The following HYCC2 variants were observed in gnomAD, a reference collection of about 807,000 sequenced individuals.
HYCC2 encodes hyccin 2.
the HYCC2 span, among the ~76,000 whole-genome samples, chr2:201,070,095 A>G: frequency 3.3e-5 from 5 of 152,220 alleles, no homozygotes; most frequent in South Asian, 1.0e-3. Flanking sequence ...CTGCTCTCAA[A>G]ATTGTTTTTC....
chr2:201,032,178 T>A, the HYCC2 span, among the ~76,000 whole-genome samples: 2 of 152,086 alleles, frequency 1.3e-5, no homozygotes, highest in East Asian at 3.8e-4. Flanking sequence ...CCCAAGCTGG[T>A]CTCGAACTCC....
At chr2:201,012,952 T>TACACACACACACAC in the HYCC2 span, among the ~76,000 whole-genome samples, 2 of 146,316 alleles carry the variant, frequency 1.4e-5, no homozygotes, top group South Asian at 2.2e-4. Context: ...TTTCAAAAAA[T>TACACACACACACAC]ACACACACAC....
chr2:201,009,238 A>C, the HYCC2 span: 1 of 469,362 alleles, frequency 2.1e-6, no homozygotes, highest in Non-Finnish European at 3.9e-6. Context: ...AGAATCTTTC[A>C]ACTGTCAATT....
chr2:201,063,682 T>C, the HYCC2 span: 1 of 1,576,458 alleles, frequency 6.3e-7, no homozygotes, highest in African/African-American at 1.3e-5. Context: ...GTCGAAGTGG[T>C]TCTGGAAACT....
chr2:201,041,800 T>C, the HYCC2 span, among the ~76,000 whole-genome samples: 6 of 152,238 alleles, frequency 3.9e-5, no homozygotes. Context: ...ATATAGTCAA[T>C]GAACCATACT....
chr2:200,998,251 T>C, the HYCC2 span, among the ~76,000 whole-genome samples: 1 of 152,220 alleles, frequency 6.6e-6, no homozygotes, highest in South Asian at 2.1e-4. Context: ...ACTTTATCAA[T>C]CTTCTTACCA....
chr2:201,004,123 G>A, the HYCC2 span, among the ~76,000 whole-genome samples: 2 of 152,120 alleles, frequency 1.3e-5, no homozygotes, highest in South Asian at 2.1e-4. Context: ...GCCTGTTTGG[G>A]TTTTTATCAG....
chr2:201,009,411 A>G, the HYCC2 span: 1 of 201,628 alleles, frequency 5.0e-6, no homozygotes, highest in African/African-American at 2.3e-5. Flanking sequence ...TTCCAGAATG[A>G]GTACAACTGC....
At chr2:201,044,532 T>C in the HYCC2 span, among the ~76,000 whole-genome samples, 20 of 152,212 alleles carry the variant, frequency 1.3e-4, no homozygotes, top group Non-Finnish European at 1.0e-4. Context: ...TACAATAATA[T>C]GTGTCCTTGG....
chr2:201,012,106 T>C, the HYCC2 span, among the ~76,000 whole-genome samples: 115 of 152,080 alleles, frequency 7.6e-4, no homozygotes, highest in Non-Finnish European at 1.6e-3. Context: ...GAATGAATCT[T>C]GAATAAAAGA....
the HYCC2 span, among the ~76,000 whole-genome samples, chr2:201,011,053 G>A: frequency 6.6e-6 from 1 of 152,042 alleles, no homozygotes; most frequent in East Asian, 1.9e-4. Context: ...GCCGAGGCAG[G>A]AGAATCGCTT....
chr2:200,986,046 T>A, the HYCC2 span, among the ~76,000 whole-genome samples: 3 of 152,240 alleles, frequency 2.0e-5, no homozygotes, highest in Non-Finnish European at 4.4e-5. Flanking sequence ...GTTCCACATC[T>A]ATTCATCTTT....
the HYCC2 span, among the ~76,000 whole-genome samples, chr2:201,057,407 G>C: frequency 6.6e-6 from 1 of 152,224 alleles, no homozygotes; most frequent in Non-Finnish European, 1.5e-5. Flanking sequence ...AATAGAAGCA[G>C]AGATAAATAT....
the HYCC2 span, among the ~76,000 whole-genome samples, chr2:200,982,062 A>C: frequency 2.0e-5 from 3 of 152,096 alleles, no homozygotes; most frequent in African/African-American, 7.2e-5. Context: ...AATAGATGTT[A>C]GTTTAGCTTT....
At chr2:201,056,193 C>CAAAA in the HYCC2 span, among the ~76,000 whole-genome samples, 16 of 135,430 alleles carry the variant, frequency 1.2e-4, no homozygotes, top group African/African-American at 3.5e-4. Context: ...GACTCCGTCT[C>CAAAA]AAAAAAAAAA....
chr2:200,980,258 A>C, the HYCC2 span: 1 of 152,632 alleles, frequency 6.6e-6, no homozygotes, highest in African/African-American at 2.4e-5. Context: ...AACAGAAAGT[A>C]GATTGAGAAA....
the HYCC2 span, among the ~76,000 whole-genome samples, chr2:201,030,590 T>A: frequency 6.6e-6 from 1 of 151,804 alleles, no homozygotes; most frequent in Non-Finnish European, 1.5e-5. Context: ...TCCTTTTTTT[T>A]TTTTTTGAGT....
At chr2:201,054,942 G>A in the HYCC2 span, among the ~76,000 whole-genome samples, 3 of 152,100 alleles carry the variant, frequency 2.0e-5, no homozygotes, top group African/African-American at 7.2e-5. Flanking sequence ...TGGGATTACA[G>A]GCATGAGCCA....
the HYCC2 span, among the ~76,000 whole-genome samples, chr2:201,007,222 A>G: frequency 1.8e-4 from 27 of 152,334 alleles, no homozygotes; most frequent in Admixed American, 1.6e-3. Context: ...ATGGAATTGC[A>G]TACCAATAAA....
Sources: allele counts gnomAD v4.1 joint callset (sites outside exome capture counted in the v4.1 genomes callset), GRCh38; gene constraint gnomAD v4.1.1; transcripts MANE v1.5; gene names NCBI Gene and HGNC (gene_info 2026-07-23, HGNC 2026-07-21).